Variants in DCUN1D4 observed in about 807,000 individuals in gnomAD.
The protein encoded by DCUN1D4 is defective in cullin neddylation 1 domain containing 4.
Under a neutral mutation model 47.9 loss-of-function variants are expected in DCUN1D4, and 22 were observed. The ratio of observed to expected loss-of-function variants is 0.46; its 90% CI spans 0.33 to 0.66. The LOEUF (loss-of-function observed/expected upper bound fraction) is 0.66, where lower values mean the gene tolerates loss of function less well. Among genes scored for constraint, DCUN1D4 ranks in the 30% least tolerant of loss-of-function variants. DCUN1D4 has a pLI of 0.02. For synonymous variants in DCUN1D4, 121 were observed against 112.2 expected (o/e 1.08, Z -0.50); for missense variants, 301 against 340.8 (o/e 0.88, Z 0.92).
Position 51,874,262 on chromosome 4 carries a change from G to A in DCUN1D4, c.137-9G>A, listed in dbSNP as rs1246472350. On this transcript the variant is annotated splice_polypyrimidine_tract_variant and intron_variant, in intron 3 of 10. Coordinates refer to ENST00000334635, the MANE Select transcript of DCUN1D4 (RefSeq NM_001040402.3). ...CCTTAATTTTGTGCTCTTTGAATTT[G>A]TTTTGTAGGAAGTCTGCGGTCTTGC... 5 of 1,604,022 alleles carry A rather than the reference G, an allele frequency of 3.1e-6. No homozygotes were observed. The African/African-American group carries it at 6.7e-5, about 22-fold the overall frequency.
intron 4 of DCUN1D4, among the ~76,000 whole-genome samples, chr4:51,877,198 A>T (rs1312667739): frequency 2.0e-5 from 3 of 152,192 alleles, no homozygotes. Context: ...CTAAGGTTAT[A>T]CTAATCAAGA....
chr4:51,907,998 A>T (rs1030268993), intron 8 of DCUN1D4, among the ~76,000 whole-genome samples: 2 of 152,202 alleles, frequency 1.3e-5, no homozygotes, highest in Non-Finnish European at 2.9e-5. Context: ...ACTCTAAATC[A>T]GATTGTAATA....
At chr4:51,842,571 T>A (rs971393461), upstream of DCUN1D4, among the ~76,000 whole-genome samples, 16 of 152,180 alleles carry the variant, frequency 1.1e-4, no homozygotes, top group Non-Finnish European at 2.1e-4. Flanking sequence ...TTTCCTGCGG[T>A]AGGAAGCAGC....
intron 8 of DCUN1D4, among the ~76,000 whole-genome samples, chr4:51,904,927 C>T (rs7674922): frequency 0.43 from 65,653 of 151,952 alleles, 17,477 homozygotes; most frequent in African/African-American, 0.75. Context: ...TTTAATATCC[C>T]AAATATTATA....
At chr4:51,892,972 T>C (rs35427893) in intron 7 of DCUN1D4, among the ~76,000 whole-genome samples, 1 of 152,256 alleles carries the variant, frequency 6.6e-6, no homozygotes, top group Non-Finnish European at 1.5e-5. Flanking sequence ...TTTGTTATTG[T>C]TGAGAATGCT....
chr4:51,899,137 A>G lies in DCUN1D4; in HGVS notation c.507-133A>G. The G allele has an allele frequency of 5.1e-6, 7 of 1,369,890 alleles. No individual in the cohort carries two copies. In the South Asian group the frequency reaches 1.3e-4, roughly 25 times the overall value. 84.9% of individuals were successfully genotyped at this position (1,369,890 alleles called of 1,614,324 possible). The stretch of plus-strand genomic sequence containing the variant: ...TTTAAAATTTTTTTTAAGTGTAGAA[A>G]AAATAGGTTATGGATGTGTTTCAAC... On this transcript the variant is annotated intron_variant, in intron 7 of 10. Transcript: ENST00000334635.
At chr4:51,907,458 T>C (rs954889097) in intron 8 of DCUN1D4, among the ~76,000 whole-genome samples, 2 of 152,232 alleles carry the variant, frequency 1.3e-5, no homozygotes, top group Non-Finnish European at 2.9e-5. Context: ...GACTGCATTT[T>C]CTCTATGTCT....
intron 1 of DCUN1D4, chr4:51,844,340 C>G (rs751371603): frequency 2.0e-6 from 2 of 984,144 alleles, no homozygotes; most frequent in Non-Finnish European, 2.4e-6. Flanking sequence ...GTGGAGGAGA[C>G]GGGGTAAGTG....
intron 6 of DCUN1D4, among the ~76,000 whole-genome samples, chr4:51,888,483 G>A (rs140138067): frequency 1.3e-5 from 2 of 152,280 alleles, no homozygotes; most frequent in East Asian, 3.9e-4. Context: ...GCTCACGCCT[G>A]TAATCCCAGC....
intron 8 of DCUN1D4, among the ~76,000 whole-genome samples, chr4:51,902,101 G>A (rs1430386215): frequency 6.6e-6 from 1 of 152,170 alleles, no homozygotes; most frequent in Non-Finnish European, 1.5e-5. Context: ...GGATTGTCCA[G>A]ATAATCTTTC....
intron 1 of DCUN1D4, chr4:51,844,421 G>A (rs1227281438): frequency 1.8e-5 from 18 of 984,426 alleles, no homozygotes; most frequent in African/African-American, 3.5e-5. Flanking sequence ...CGCGGGCTCC[G>A]GCAGCGGGAC....
At chr4:51,845,888 T>C (rs549486319) in intron 1 of DCUN1D4, among the ~76,000 whole-genome samples, 6 of 152,214 alleles carry the variant, frequency 3.9e-5, no homozygotes, top group Non-Finnish European at 8.8e-5. Flanking sequence ...CATTTATATC[T>C]ATCTGTCATA....
chr4:51,842,919 CG>C (rs1721826071), upstream of DCUN1D4: 3 of 570,874 alleles, frequency 5.3e-6, no homozygotes, highest in Non-Finnish European at 7.7e-6. Flanking sequence ...TGACAGCAGC[CG>C]GGCCCAACCC....
At chr4:51,839,905 G>GT (rs1341966514), upstream of DCUN1D4, among the ~76,000 whole-genome samples, 7 of 151,874 alleles carry the variant, frequency 4.6e-5, no homozygotes, top group Non-Finnish European at 8.8e-5. Flanking sequence ...GAGCTCTGCT[G>GT]TTTTTTTTCT....
chr4:51,893,195 T>C (rs1730720018), intron 7 of DCUN1D4, among the ~76,000 whole-genome samples: 1 of 152,206 alleles, frequency 6.6e-6, no homozygotes, highest in African/African-American at 2.4e-5. Context: ...TTCTTCCTTC[T>C]AACAATATTA....
At chr4:51,845,270 A>G (rs1377857141) in intron 1 of DCUN1D4, 31 of 985,406 alleles carry the variant, frequency 3.1e-5, no homozygotes, top group Non-Finnish European at 3.6e-5. Context: ...TAACGATAAT[A>G]TAAACTATGT....
intron 1 of DCUN1D4, among the ~76,000 whole-genome samples, chr4:51,846,274 CAG>C (rs1369931681): frequency 2.6e-5 from 4 of 152,122 alleles, no homozygotes; most frequent in African/African-American, 4.8e-5. Context: ...TGCATTTAAA[CAG>C]ATGTTTCTTA....
At chr4:51,879,686 T>G (rs1728227951) in intron 5 of DCUN1D4, among the ~76,000 whole-genome samples, 1 of 152,256 alleles carries the variant, frequency 6.6e-6, no homozygotes, top group South Asian at 2.1e-4. Flanking sequence ...CTCATATTCT[T>G]ATCACATTGA....
At chr4:51,911,368 T>G (rs1733694299) in intron 9 of DCUN1D4, among the ~76,000 whole-genome samples, 194 bp downstream of exon 9, 1 of 152,226 alleles carries the variant, frequency 6.6e-6, no homozygotes, top group African/African-American at 2.4e-5. Context: ...AATGTTGTGT[T>G]GCTTCATTCC....
Sources: allele counts gnomAD v4.1 joint callset (sites outside exome capture counted in the v4.1 genomes callset), GRCh38; gene constraint gnomAD v4.1.1; transcripts MANE v1.5; gene names NCBI Gene and HGNC (gene_info 2026-07-23, HGNC 2026-07-21).